AP3D1: variants seen among roughly 807,000 people sequenced by gnomAD.
AP3D1 encodes the protein adaptor related protein complex 3 subunit delta 1.
AP3D1 carries 51 observed loss-of-function variants against 147.6 expected under a neutral mutation model. The observed-to-expected ratio is 0.35, with a 90% CI of 0.28 to 0.44. The LOEUF (loss-of-function observed/expected upper bound fraction) is 0.44. Among genes scored for constraint, AP3D1 ranks in the 20% least tolerant of loss-of-function variants. AP3D1 has a pLI of 1.00. For synonymous variants in AP3D1, 760 were observed against 663.0 expected, an observed-to-expected ratio of 1.15 and a Z score of -2.25; for missense variants, 1,421 against 1,624.2, an observed-to-expected ratio of 0.87 and a Z score of 2.15.
At chr19:2,145,074 C>T (rs989989498) in intron 1 of AP3D1, among the ~76,000 whole-genome samples, 11 of 152,170 alleles carry the variant, frequency 7.2e-5, no homozygotes, top group Non-Finnish European at 1.2e-4. Context: ...CTAGAACAGG[C>T]AGATTTTGTG....
At chr19:2,108,511 GGA>G (rs1223272630) in intron 31 of AP3D1, among the ~76,000 whole-genome samples, 174 bp downstream of exon 31, 2 of 152,206 alleles carry the variant, frequency 1.3e-5, no homozygotes, top group African/African-American at 4.8e-5. Flanking sequence ...TCTTGCTGAG[GGA>G]GAGTCTGTGC....
chr19:2,122,674 G>GT (rs1297249593), intron 11 of AP3D1, among the ~76,000 whole-genome samples: 1 of 152,230 alleles, frequency 6.6e-6, no homozygotes, highest in Non-Finnish European at 1.5e-5. Context: ...GTCACGAAAG[G>GT]TATGTGATCG....
chr19:2,141,899 G>A (rs968935205), intron 1 of AP3D1, among the ~76,000 whole-genome samples: 12 of 151,082 alleles, frequency 7.9e-5, no homozygotes, highest in Non-Finnish European at 1.6e-4. Context: ...ACAGGGCCAT[G>A]CCACCATATT....
chr19:2,135,179 C>T (rs1167414935), intron 4 of AP3D1, among the ~76,000 whole-genome samples: 6 of 151,822 alleles, frequency 4.0e-5, no homozygotes, highest in Non-Finnish European at 8.8e-5. Flanking sequence ...CCAGCCTGGA[C>T]GACAGAGCAA....
chr19:2,108,911 G>A (rs2018185945), intron 30 of AP3D1, 145 bp from the exon 31 acceptor site: 4 of 1,304,796 alleles, frequency 3.1e-6, no homozygotes, highest in Non-Finnish European at 3.1e-6. Context: ...AGAGGCCTGG[G>A]GTGTGGGGAA....
intron 1 of AP3D1, among the ~76,000 whole-genome samples, chr19:2,141,107 A>G (rs1193135789): frequency 1.3e-5 from 2 of 152,048 alleles, no homozygotes; most frequent in Non-Finnish European, 2.9e-5. Flanking sequence ...CATGACCTAG[A>G]CCCAAAAGAT....
chr19:2,157,687 C>T (rs1475213999), intron 1 of AP3D1, among the ~76,000 whole-genome samples: 2 of 139,478 alleles, frequency 1.4e-5, no homozygotes, highest in Admixed American at 1.4e-4. Context: ...ACCCATCCAT[C>T]CCCATCCACC....
intron 1 of AP3D1, among the ~76,000 whole-genome samples, chr19:2,143,866 T>G (rs1396409809): frequency 6.6e-6 from 1 of 151,958 alleles, no homozygotes; most frequent in Non-Finnish European, 1.5e-5. Flanking sequence ...GGCGGGTGCA[T>G]CGCCTGAGGT....
In AP3D1 at chr19:2,126,238, C is replaced by T. The variant is rs140723638; in HGVS notation, c.856+914G>A. On this transcript the variant is annotated intron_variant, in intron 9 of 31. Coordinates refer to ENST00000643116, the MANE Select transcript of AP3D1 (RefSeq NM_001261826.3). ...CTTTATCAACCATAAGGAAGTCCAC[C>T]GCCCAATGCCCCGTGAGGCTTTGGC... Among the ~76,000 whole-genome samples the T allele has an allele frequency of 2.2e-3, 340 of 152,314 alleles. 1 individual carries two copies. Among genetic ancestry groups the T allele is most frequent in the African/African-American group, 7.9e-3 (328 of 41,556 alleles).
chr19:2,164,382 T>C, exon 1 of AP3D1: 1 of 591,840 alleles, frequency 1.7e-6, no homozygotes, highest in Non-Finnish European at 2.4e-6. Flanking sequence ...ACGGAGACCC[T>C]GGACTCCACT....
chr19:2,164,400 C>A, exon 1 of AP3D1: 1 of 532,268 alleles, frequency 1.9e-6, no homozygotes, highest in Non-Finnish European at 2.8e-6. Flanking sequence ...ACTGTCGCTG[C>A]TCCACCCCCG....
chr19:2,128,449 A>G (rs906816040), intron 8 of AP3D1, among the ~76,000 whole-genome samples: 1 of 126,700 alleles, frequency 7.9e-6, no homozygotes, highest in African/African-American at 3.3e-5. Context: ...CCAGCACTGC[A>G]CCCCGTGGAG....
chr19:2,164,483 G>C, upstream of AP3D1: 1 of 324,746 alleles, frequency 3.1e-6, no homozygotes, highest in Non-Finnish European at 5.6e-6. Flanking sequence ...GTGGGAGCGG[G>C]AGCCGGCGCC....
chr19:2,105,823 C>T (rs548372078), intron 31 of AP3D1, among the ~76,000 whole-genome samples: 3 of 152,256 alleles, frequency 2.0e-5, no homozygotes, highest in African/African-American at 4.8e-5. Context: ...CAGCCGGGCG[C>T]GGGGGCTCGT....
chr19:2,111,633 C>T (rs547293900), intron 25 of AP3D1, 46 bp downstream of exon 25: 9 of 1,542,230 alleles, frequency 5.8e-6, no homozygotes, highest in African/African-American at 4.1e-5. Flanking sequence ...GCGCACAGCC[C>T]GCCAGGAACC....
intron 1 of AP3D1, among the ~76,000 whole-genome samples, chr19:2,143,623 C>T (rs2019281355): frequency 6.6e-6 from 1 of 151,948 alleles, no homozygotes; most frequent in Non-Finnish European, 1.5e-5. Context: ...AAAAAATTAG[C>T]TGGGCGTGGT....
chr19:2,133,220 G>T (rs2018995302), intron 4 of AP3D1, among the ~76,000 whole-genome samples: 1 of 152,164 alleles, frequency 6.6e-6, no homozygotes, highest in African/African-American at 2.4e-5. Context: ...CAACTGAGGG[G>T]AAGGGCCCAG....
intron 29 of AP3D1, chr19:2,109,573 C>G (rs1036109464): frequency 4.0e-6 from 2 of 496,076 alleles, no homozygotes; most frequent in Non-Finnish European, 3.6e-6. Context: ...CAAGCCGTGC[C>G]GAGGAGAGGC....
At chr19:2,106,895 G>A (rs1165259947) in intron 31 of AP3D1, among the ~76,000 whole-genome samples, 3 of 152,172 alleles carry the variant, frequency 2.0e-5, no homozygotes, top group Non-Finnish European at 4.4e-5. Flanking sequence ...GCCAGGGGCT[G>A]GGGAGGCAAC....
Sources: allele counts gnomAD v4.1 joint callset (sites outside exome capture counted in the v4.1 genomes callset), GRCh38; gene constraint gnomAD v4.1.1; transcripts MANE v1.5; gene names NCBI Gene and HGNC (gene_info 2026-07-23, HGNC 2026-07-21).